Variants in RALYL observed in about 807,000 individuals in gnomAD.
RALYL encodes RNA-binding Raly-like protein.
Under a neutral mutation model 35.1 loss-of-function variants are expected in RALYL, and 29 were observed. That is an observed-to-expected ratio of 0.83 (90% CI 0.61 to 1.13). RALYL has a LOEUF of 1.13. Among genes scored for constraint, RALYL ranks in the 50% most tolerant of loss-of-function variants. The pLI, the probability that RALYL is intolerant of heterozygous loss-of-function variation, is 0.00. For missense variants in RALYL, 359 were observed against 360.4 expected (o/e 1.00, Z 0.03); for synonymous variants, 120 against 127.6 (o/e 0.94, Z 0.40).
At chr8:84,738,623 G>A (rs1163906143) in intron 2 of RALYL, among the ~76,000 whole-genome samples, 2 of 151,930 alleles carry the variant, frequency 1.3e-5, no homozygotes, top group African/African-American at 4.8e-5. Flanking sequence ...CTTCAGCATA[G>A]CATCGTTATA....
intron 1 of RALYL, among the ~76,000 whole-genome samples, chr8:84,373,660 C>T (rs908304362): frequency 2.6e-5 from 4 of 151,940 alleles, no homozygotes; most frequent in East Asian, 1.9e-4. Context: ...GTGATGCCTC[C>T]GGGTTTGTCC....
At chr8:84,661,739 G>A (rs753403961) in intron 2 of RALYL, among the ~76,000 whole-genome samples, 1 of 151,808 alleles carries the variant, frequency 6.6e-6, no homozygotes, top group Non-Finnish European at 1.5e-5. Context: ...CTACTAACTC[G>A]TCATCTAGCA....
intron 1 of RALYL, among the ~76,000 whole-genome samples, chr8:84,273,481 C>T (rs551212398): frequency 1.3e-5 from 2 of 152,208 alleles, no homozygotes; most frequent in Non-Finnish European, 2.9e-5. Context: ...AACTGTTACC[C>T]CTGCCACATA....
In RALYL at chr8:84,226,710, GT is replaced by G. The variant is rs1378724452; in HGVS notation, c.-24+42287del. 6.6e-5 allele frequency among the ~76,000 whole-genome samples: 10 copies of G among 152,270 alleles called. No homozygotes were observed. The East Asian group carries it at 1.9e-3, about 29-fold the overall frequency. On this transcript the variant is annotated intron_variant, in intron 1 of 8. Coordinates refer to ENST00000521268, the MANE Select transcript of RALYL (RefSeq NM_173848.7). ...AAGTTCAAATTTTTTTTGAAAAGCA[GT>G]AGTAGAGTGTGTTTGAAAAATAGAG... is the stretch of plus-strand genomic sequence containing the variant.
At chr8:84,258,651 T>A (rs1177547175) in intron 1 of RALYL, among the ~76,000 whole-genome samples, 1 of 152,184 alleles carries the variant, frequency 6.6e-6, no homozygotes, top group African/African-American at 2.4e-5. Flanking sequence ...GAAATTACAG[T>A]AGTTTTAATG....
intron 1 of RALYL, among the ~76,000 whole-genome samples, chr8:84,303,071 C>T (rs994077689): frequency 6.6e-6 from 1 of 152,142 alleles, no homozygotes; most frequent in Non-Finnish European, 1.5e-5. Flanking sequence ...ATTCAGGGTA[C>T]ATTTTCACTT....
intron 1 of RALYL, among the ~76,000 whole-genome samples, chr8:84,352,807 T>A (rs1335935319): frequency 6.7e-6 from 1 of 150,264 alleles, no homozygotes; most frequent in South Asian, 2.1e-4. Context: ...TTTCCCCATG[T>A]TGGCCATGGG....
At chr8:84,427,338 A>G (rs535022974) in intron 1 of RALYL, among the ~76,000 whole-genome samples, 27 of 152,298 alleles carry the variant, frequency 1.8e-4, no homozygotes, top group Admixed American at 5.2e-4. Context: ...AACAAAACTG[A>G]TAATAGCAGG....
chr8:84,238,178 A>C (rs1428872460), intron 1 of RALYL, among the ~76,000 whole-genome samples: 2 of 152,138 alleles, frequency 1.3e-5, no homozygotes, highest in East Asian at 3.8e-4. Flanking sequence ...GTCTATTATC[A>C]GAGGTGAGGT....
At chr8:84,846,140 C>T (rs1315256146) in intron 4 of RALYL, among the ~76,000 whole-genome samples, 2 of 151,900 alleles carry the variant, frequency 1.3e-5, no homozygotes, top group East Asian at 1.9e-4. Context: ...GTTGTTGTTC[C>T]CTATGAATTT....
intron 3 of RALYL, among the ~76,000 whole-genome samples, chr8:84,803,737 T>C (rs1042919106): frequency 6.6e-6 from 1 of 152,206 alleles, no homozygotes; most frequent in African/African-American, 2.4e-5. Context: ...CCAAGGCATA[T>C]TTCTCATAAG....
intron 1 of RALYL, among the ~76,000 whole-genome samples, chr8:84,422,380 G>T (rs2132428159): frequency 7.7e-6 from 1 of 130,140 alleles, no homozygotes; most frequent in Non-Finnish European, 1.6e-5. Flanking sequence ...TATTTCTGTG[G>T]GATCGGTGGT....
chr8:84,406,295 C>T (rs2043489776), intron 1 of RALYL, among the ~76,000 whole-genome samples: 1 of 152,004 alleles, frequency 6.6e-6, no homozygotes, highest in South Asian at 2.1e-4. Context: ...GTATGCATAT[C>T]TAAGTGCTTA....
chr8:84,618,060 TG>T (rs1290971362), intron 2 of RALYL, among the ~76,000 whole-genome samples: 1 of 151,828 alleles, frequency 6.6e-6, no homozygotes, highest in Non-Finnish European at 1.5e-5. Context: ...TTCTCTTTTT[TG>T]GTTGTGTCTC....
chr8:84,571,672 CT>C (rs1447378584), intron 2 of RALYL, among the ~76,000 whole-genome samples: 2 of 151,502 alleles, frequency 1.3e-5, no homozygotes, highest in African/African-American at 4.8e-5. Context: ...TAATTTGTTC[CT>C]GTTTTTCCAG....
chr8:84,734,300 T>C (rs1483532177), intron 2 of RALYL, among the ~76,000 whole-genome samples: 1 of 152,172 alleles, frequency 6.6e-6, no homozygotes, highest in Non-Finnish European at 1.5e-5. Flanking sequence ...TCTTTACTCA[T>C]CTTTTTAAAA....
intron 1 of RALYL, among the ~76,000 whole-genome samples, chr8:84,272,893 T>G (rs1229571828): frequency 5.3e-5 from 8 of 152,188 alleles, no homozygotes; most frequent in Non-Finnish European, 1.2e-4. Flanking sequence ...TTTCCATGTC[T>G]AACCATCCCC....
intron 1 of RALYL, among the ~76,000 whole-genome samples, chr8:84,240,125 C>A (rs1827548652): frequency 1.3e-5 from 2 of 152,050 alleles, no homozygotes; most frequent in Admixed American, 1.3e-4. Flanking sequence ...ATTGTAGACA[C>A]ACTAAATTTA....
chr8:84,222,475 G>T (rs1822486589), intron 1 of RALYL, among the ~76,000 whole-genome samples: 1 of 152,154 alleles, frequency 6.6e-6, no homozygotes, highest in Non-Finnish European at 1.5e-5. Context: ...GTGAGTCATG[G>T]AAGCCCAGAA....
Sources: gnomAD v4.1 joint callset for allele counts (sites outside exome capture counted in the v4.1 genomes callset) on GRCh38, gnomAD v4.1.1 for gene constraint, MANE v1.5 for transcripts, NCBI Gene and HGNC (gene_info 2026-07-23, HGNC 2026-07-21) for gene names.